The following GRID1 variants were observed in gnomAD, a reference collection of about 807,000 sequenced individuals.
GRID1 encodes glutamate receptor ionotropic, delta-1.
Under a neutral mutation model 98.0 loss-of-function variants are expected in GRID1, and 28 were observed. The observed-to-expected ratio is 0.29, with a 90% CI of 0.21 to 0.39. GRID1 has a LOEUF of 0.39. Ranked by LOEUF, GRID1 falls within the 10% of genes least tolerant of loss-of-function variation. GRID1 has a pLI of 1.00. For synonymous variants in GRID1, 553 were observed against 538.5 expected (o/e 1.03, Z -0.37); for missense variants, 1,111 against 1,340.5 (o/e 0.83, Z 2.67).
At chr10:86,140,096 C>T (rs545311379) in intron 3 of GRID1, among the ~76,000 whole-genome samples, 1 of 152,324 alleles carries the variant, frequency 6.6e-6, no homozygotes, top group East Asian at 1.9e-4. Context: ...CCAGTGAATG[C>T]CTTTGTTTGC....
intron 4 of GRID1, among the ~76,000 whole-genome samples, chr10:85,918,251 C>G (rs1381733330): frequency 1.3e-5 from 2 of 152,166 alleles, no homozygotes; most frequent in African/African-American, 4.8e-5. Flanking sequence ...AAGTCCTACA[C>G]TCAGTTTCCA....
At chr10:85,952,732 C>G (rs76551669) in intron 4 of GRID1, among the ~76,000 whole-genome samples, 2 of 152,094 alleles carry the variant, frequency 1.3e-5, no homozygotes, top group African/African-American at 2.4e-5. Context: ...TATGATCCCC[C>G]CCTCCAAACC....
chr10:86,119,343 A>G (rs906209542), intron 4 of GRID1, among the ~76,000 whole-genome samples: 2 of 152,138 alleles, frequency 1.3e-5, no homozygotes, highest in Non-Finnish European at 2.9e-5. Flanking sequence ...TCAAAAACAA[A>G]CAAACAAACA....
intron 2 of GRID1, among the ~76,000 whole-genome samples, chr10:86,300,057 G>A (rs1310293945): frequency 6.6e-6 from 1 of 152,106 alleles, no homozygotes; most frequent in Non-Finnish European, 1.5e-5. Context: ...GATTAGGGAG[G>A]GCCTTACATC....
intron 3 of GRID1, among the ~76,000 whole-genome samples, chr10:86,191,436 T>C (rs1220647644): frequency 1.3e-5 from 2 of 151,926 alleles, no homozygotes; most frequent in Non-Finnish European, 2.9e-5. Context: ...CTGGGTGTGG[T>C]GGGGAGTGCA....
intron 5 of GRID1, among the ~76,000 whole-genome samples, chr10:85,885,215 G>C (rs1841094767): frequency 6.6e-6 from 1 of 152,182 alleles, no homozygotes; most frequent in Non-Finnish European, 1.5e-5. Flanking sequence ...CTGAAGAAAA[G>C]CCAATCCTCA....
At chr10:85,718,450 C>T (rs931543256) in intron 12 of GRID1, among the ~76,000 whole-genome samples, 2 of 152,238 alleles carry the variant, frequency 1.3e-5, no homozygotes, top group African/African-American at 2.4e-5. Flanking sequence ...GAGGGCCTTG[C>T]CCCCGCAGCA....
At chr10:86,058,587 T>A (rs1268597213) in intron 4 of GRID1, among the ~76,000 whole-genome samples, 1 of 152,212 alleles carries the variant, frequency 6.6e-6, no homozygotes, top group Non-Finnish European at 1.5e-5. Flanking sequence ...TACCTTCATT[T>A]CCTGAGCCCA....
At position 85,705,549 on chromosome 10, in the gene GRID1, T is replaced by C. The variant is rs183857702; in HGVS notation, c.1997+17454A>G. The stretch of plus-strand genomic sequence containing the variant: ...CAGGTACAAGGAGGAGCTGGTACCA[T>C]TCCTTCTGAAACTATTCCAACCAAT... On this transcript the variant is annotated intron_variant, in intron 12 of 15. Transcript: ENST00000327946. 1.7e-4 allele frequency among the ~76,000 whole-genome samples: 26 copies of C among 152,326 alleles called. 1 individual carries two copies. Among genetic ancestry groups the C allele is most frequent in the Admixed American group, 1.1e-3 (17 of 15,300 alleles).
chr10:86,044,348 A>C (rs745790339), intron 4 of GRID1, among the ~76,000 whole-genome samples: 1 of 152,230 alleles, frequency 6.6e-6, no homozygotes, highest in Non-Finnish European at 1.5e-5. Flanking sequence ...CATTGGCTTA[A>C]TGGCTTTTGA....
intron 2 of GRID1, among the ~76,000 whole-genome samples, chr10:86,224,271 C>A (rs987321543): frequency 6.6e-6 from 1 of 152,168 alleles, no homozygotes; most frequent in Non-Finnish European, 1.5e-5. Context: ...GCTAAGTGAG[C>A]CCAAGTGTCC....
intron 8 of GRID1, among the ~76,000 whole-genome samples, chr10:85,778,930 GAC>G (rs1196541688): frequency 1.3e-5 from 2 of 152,162 alleles, no homozygotes; most frequent in African/African-American, 4.8e-5. Context: ...GTGGAATAAA[GAC>G]AGCATCTCCA....
chr10:85,615,243 G>A (rs1353551804), intron 14 of GRID1, among the ~76,000 whole-genome samples: 1 of 152,206 alleles, frequency 6.6e-6, no homozygotes, highest in Non-Finnish European at 1.5e-5. Context: ...CTGATGGCTG[G>A]GAATGGCCTG....
chr10:86,228,923 TGAGG>T (rs775135002), intron 2 of GRID1, among the ~76,000 whole-genome samples: 36 of 152,186 alleles, frequency 2.4e-4, no homozygotes, highest in Admixed American at 1.2e-3. Flanking sequence ...CAGCAGAGAC[TGAGG>T]GAGAGAAGTG....
Position 85,833,423 on chromosome 10 carries a change from C to A in GRID1, c.1233+21073G>T, listed in dbSNP as rs1022999214. On this transcript the variant is annotated intron_variant, in intron 8 of 15. Transcript: ENST00000327946. ...AACTAAGTAGACCAAAATAGTACCA[C>A]AAAATAACACCAGCTCCTAAAATTA... 3.3e-5 allele frequency among the ~76,000 whole-genome samples: 5 copies of A among 150,884 alleles called. No homozygotes were observed. The East Asian group carries it at 5.9e-4, about 18-fold the overall frequency.
chr10:85,696,130 C>T (rs1841390356), intron 12 of GRID1, among the ~76,000 whole-genome samples: 1 of 152,062 alleles, frequency 6.6e-6, no homozygotes, highest in South Asian at 2.1e-4. Context: ...TATATACTGT[C>T]AGGCACTGTG....
chr10:86,162,619 T>C (rs1164841284), intron 3 of GRID1, among the ~76,000 whole-genome samples: 1 of 152,190 alleles, frequency 6.6e-6, no homozygotes, highest in African/African-American at 2.4e-5. Flanking sequence ...AAAAAGGGTC[T>C]TGGGGCCAAC....
At chr10:86,357,322 A>T (rs549283010) in intron 2 of GRID1, among the ~76,000 whole-genome samples, 32 of 152,340 alleles carry the variant, frequency 2.1e-4, no homozygotes, top group African/African-American at 7.5e-4. Context: ...TCCCAGAGGA[A>T]GGGGCTGTCA....
intron 3 of GRID1, among the ~76,000 whole-genome samples, chr10:86,186,239 GCC>G (rs1027313451): frequency 1.3e-5 from 2 of 152,144 alleles, no homozygotes; most frequent in African/African-American, 4.8e-5. Context: ...ATTGTTTAAT[GCC>G]TCTCACATCT....
Sources: gnomAD v4.1 joint callset for allele counts (sites outside exome capture counted in the v4.1 genomes callset) on GRCh38, gnomAD v4.1.1 for gene constraint, MANE v1.5 for transcripts, NCBI Gene and HGNC (gene_info 2026-07-23, HGNC 2026-07-21) for gene names.